ZFHX3: variants seen among roughly 807,000 people sequenced by gnomAD.
ZFHX3 encodes the protein zinc finger homeobox 3.
ZFHX3 carries 42 observed loss-of-function variants against 279.1 expected under a neutral mutation model. The observed-to-expected ratio is 0.15, with a 90% CI of 0.12 to 0.19. ZFHX3 has a LOEUF of 0.19. Ranked by LOEUF, ZFHX3 falls within the 10% of genes least tolerant of loss-of-function variation. The probability of loss-of-function intolerance (pLI) is 1.00; values close to 1 mark genes in which losing one functional copy is unlikely to be tolerated. For synonymous variants in ZFHX3, 2,293 were observed against 1,957.8 expected (o/e 1.17, Z -4.52); for missense variants, 4,981 against 4,754.0 (o/e 1.05, Z -1.40).
chr16:73,011,436 T>C (rs959091258), intron 1 of ZFHX3, among the ~76,000 whole-genome samples: 2 of 146,970 alleles, frequency 1.4e-5, no homozygotes, highest in Non-Finnish European at 3.0e-5. Flanking sequence ...CCAGCAACAC[T>C]GCATATATTA....
At chr16:73,070,707 A>G (rs1057064469) in intron 8 of ZFHX3, among the ~76,000 whole-genome samples, 4 of 140,950 alleles carry the variant, frequency 2.8e-5, no homozygotes, top group African/African-American at 1.0e-4. Context: ...TGCTGACATC[A>G]TTGTCTCTCT....
At chr16:73,320,190 G>C (rs759860643) in intron 3 of ZFHX3, among the ~76,000 whole-genome samples, 1 of 152,172 alleles carries the variant, frequency 6.6e-6, no homozygotes, top group South Asian at 2.1e-4. Flanking sequence ...GGTAGACAAT[G>C]AGTTTTGTTT....
intron 4 of ZFHX3, among the ~76,000 whole-genome samples, chr16:73,303,033 CT>C (rs35496023): frequency 0.34 from 49,648 of 146,788 alleles, 8,480 homozygotes; most frequent in Non-Finnish European, 0.41. Flanking sequence ...GCAATGGAGA[CT>C]TTTTTTTTTT....
At chr16:73,241,910 A>T (rs1023981333) in intron 5 of ZFHX3, among the ~76,000 whole-genome samples, 6 of 150,780 alleles carry the variant, frequency 4.0e-5, no homozygotes, top group African/African-American at 9.8e-5. Flanking sequence ...TAGTATTGTG[A>T]TCCTAAAACG....
At chr16:73,483,276 A>G in intron 2 of ZFHX3, 1 of 422,714 alleles carries the variant, frequency 2.4e-6, no homozygotes, top group South Asian at 1.7e-5. Flanking sequence ...ATGCGTACGC[A>G]TAGACACGTG....
chr16:73,136,858 G>A (rs1809617826), intron 6 of ZFHX3, among the ~76,000 whole-genome samples: 1 of 150,646 alleles, frequency 6.6e-6, no homozygotes. Context: ...TTATCTAACA[G>A]CTTCTACAAT....
intron 3 of ZFHX3, among the ~76,000 whole-genome samples, chr16:72,948,039 T>A (rs1358714096): frequency 6.6e-6 from 1 of 152,100 alleles, no homozygotes; most frequent in African/African-American, 2.4e-5. Context: ...AGAAGTTTGA[T>A]CTTAGTCGTA....
chr16:73,216,062 G>A (rs182000344), intron 5 of ZFHX3, among the ~76,000 whole-genome samples: 1 of 152,184 alleles, frequency 6.6e-6, no homozygotes, highest in Admixed American at 6.5e-5. Flanking sequence ...GCAATGTGGA[G>A]TCAAGCTCAG....
intron 5 of ZFHX3, among the ~76,000 whole-genome samples, chr16:73,238,794 C>T (rs1044413980): frequency 9.9e-5 from 15 of 152,104 alleles, no homozygotes; most frequent in Non-Finnish European, 1.5e-4. Flanking sequence ...ATAAAATGCC[C>T]CATAACTCTT....
intron 2 of ZFHX3, among the ~76,000 whole-genome samples, chr16:73,653,951 G>A (rs2052696375): frequency 6.6e-6 from 1 of 152,072 alleles, no homozygotes; most frequent in Non-Finnish European, 1.5e-5. Flanking sequence ...TTGAGAGGCC[G>A]AGGCGGGTGG....
intron 3 of ZFHX3, among the ~76,000 whole-genome samples, chr16:73,367,502 G>A (rs1021496322): frequency 2.0e-5 from 3 of 152,106 alleles, no homozygotes; most frequent in African/African-American, 7.2e-5. Flanking sequence ...AAAACATTCT[G>A]GTGCTGTTCT....
At position 72,957,575 on chromosome 16, in the gene ZFHX3, G is replaced by A. The variant is rs759949492; in HGVS notation, c.2571C>T (p.Ala857=). The stretch of plus-strand genomic sequence containing the variant: ...GGTAGTATTGGTAGAGCTCGGCCTC[G>A]GCGGGTGAGGGCAGGCTGCCGAGGC... ...HLGLGSLPSP[A]EAELYQYYLA... is the part of the protein sequence containing the mutation. Residue 857 remains alanine, a synonymous_variant, in exon 2 of 10, where the codon GCC becomes GCT. Transcript: ENST00000268489. The A allele has an allele frequency of 5.8e-5, 93 of 1,613,906 alleles. No individual in the cohort carries two copies. The highest frequency in any genetic ancestry group is 3.5e-4 in the Admixed American group (21 of 59,970).
intron 1 of ZFHX3, among the ~76,000 whole-genome samples, chr16:73,723,987 C>G (rs2142241034): frequency 6.6e-6 from 1 of 152,248 alleles, no homozygotes; most frequent in Middle Eastern, 3.4e-3. Context: ...ATAAGGTGTT[C>G]ACTGGGAAAT....
intron 2 of ZFHX3, among the ~76,000 whole-genome samples, chr16:73,475,158 T>C (rs1282091450): frequency 6.6e-6 from 1 of 152,238 alleles, no homozygotes; most frequent in Non-Finnish European, 1.5e-5. Context: ...GAGGCCACTC[T>C]CACATTTTTG....
At chr16:73,025,476 C>A (rs1335591539) in intron 1 of ZFHX3, among the ~76,000 whole-genome samples, 1 of 152,244 alleles carries the variant, frequency 6.6e-6, no homozygotes, top group Non-Finnish European at 1.5e-5. Flanking sequence ...GTGGAGCCCT[C>A]ACGGACTCGA....
intron 1 of ZFHX3, among the ~76,000 whole-genome samples, chr16:73,865,427 C>T (rs527431603): frequency 6.6e-6 from 1 of 152,282 alleles, no homozygotes; most frequent in African/African-American, 2.4e-5. Flanking sequence ...GAGGCACCTC[C>T]CTGAAGCCTG....
chr16:72,907,545 T>TTGTGTGTGTGTGTGTGTGTGTGTGTG (rs547618913), intron 3 of ZFHX3, among the ~76,000 whole-genome samples: 2 of 120,404 alleles, frequency 1.7e-5, no homozygotes, highest in Non-Finnish European at 3.4e-5. Context: ...TTTCCTCTAT[T>TTGTGTGTGTGTGTGTGTGTGTGTGTG]TGTGTGTGTG....
chr16:73,609,314 G>A (rs1405905447), intron 2 of ZFHX3: 1 of 152,142 alleles, frequency 6.6e-6, no homozygotes, highest in Non-Finnish European at 1.5e-5. Context: ...CACTCACACA[G>A]TGTTTGCTCC....
At chr16:73,421,373 A>T (rs1346626630) in intron 3 of ZFHX3, 2 of 152,224 alleles carry the variant, frequency 1.3e-5, no homozygotes, top group African/African-American at 4.8e-5. Flanking sequence ...TGGTATGTTT[A>T]AGTAAAGTGT....
Sources: gnomAD v4.1 joint callset for allele counts (sites outside exome capture counted in the v4.1 genomes callset) on GRCh38, gnomAD v4.1.1 for gene constraint, MANE v1.5 for transcripts, NCBI Gene and HGNC (gene_info 2026-07-23, HGNC 2026-07-21) for gene names.